HHAT: variants seen among roughly 807,000 people sequenced by gnomAD.
HHAT encodes protein-cysteine N-palmitoyltransferase HHAT.
Under a neutral mutation model 70.8 loss-of-function variants are expected in HHAT, and 47 were observed. The observed-to-expected ratio is 0.66, with a 90% confidence interval of 0.53 to 0.85. The LOEUF (loss-of-function observed/expected upper bound fraction) is 0.85, where lower values mean the gene tolerates loss of function less well. Ranked by LOEUF, HHAT falls within the 40% of genes least tolerant of loss-of-function variation. The pLI is 0.00. For synonymous variants in HHAT, 228 were observed against 247.6 expected (o/e 0.92, Z 0.74); for missense variants, 609 against 604.8 (o/e 1.01, Z -0.07).
At chr1:210,492,732 C>A (rs1004069231) in intron 8 of HHAT, among the ~76,000 whole-genome samples, 1 of 152,218 alleles carries the variant, frequency 6.6e-6, no homozygotes, top group Admixed American at 6.5e-5. Context: ...ACAGGCCAGT[C>A]TCAGCTCAAA....
rs531466199 is a variant in HHAT, at chr1:210,511,772, C to T, written c.1008-1381C>T. Among the ~76,000 whole-genome samples, 60 of 147,032 alleles carry T rather than the reference C, an allele frequency of 4.1e-4. 2 individuals are homozygous for T. The highest frequency in any genetic ancestry group is 6.4e-4 in the Non-Finnish European group (43 of 67,084). On this transcript the variant is annotated intron_variant, in intron 8 of 11. Coordinates refer to ENST00000261458, the MANE Select transcript of HHAT (RefSeq NM_018194.6). ...GGGACTATATCATCATGATTCTGGC[C>T]GCCTGGTCTTTTTTTTTTTTTTTTT...
chr1:210,426,414 G>T (rs1253468247), intron 7 of HHAT, among the ~76,000 whole-genome samples: 6 of 152,136 alleles, frequency 3.9e-5, no homozygotes, highest in African/African-American at 1.4e-4. Context: ...TCCTTATCTT[G>T]TACCAGTTTT....
intron 9 of HHAT, among the ~76,000 whole-genome samples, chr1:210,528,976 A>G (rs1405910871): frequency 6.6e-6 from 1 of 152,220 alleles, no homozygotes; most frequent in East Asian, 1.9e-4. Flanking sequence ...TGATCAACAT[A>G]TAAGATCAAA....
chr1:210,443,117 C>G (rs2093559716), intron 7 of HHAT, among the ~76,000 whole-genome samples: 1 of 152,010 alleles, frequency 6.6e-6, no homozygotes, highest in African/African-American at 2.4e-5. Flanking sequence ...TTCCCCATTG[C>G]TTGTTTTTCT....
At chr1:210,633,647 C>T (rs956797746) in intron 11 of HHAT, among the ~76,000 whole-genome samples, 4 of 152,228 alleles carry the variant, frequency 2.6e-5, no homozygotes, top group Admixed American at 1.3e-4. Context: ...CCTTCTCTAA[C>T]CCCTGACATT....
chr1:210,645,472 G>T (rs1170916094), intron 11 of HHAT, among the ~76,000 whole-genome samples: 1 of 152,068 alleles, frequency 6.6e-6, no homozygotes, highest in African/African-American at 2.4e-5. Context: ...TAGAGATGGG[G>T]TTTCACCATG....
At chr1:210,405,240 C>T (rs1489250643) in intron 6 of HHAT, among the ~76,000 whole-genome samples, 1 of 152,148 alleles carries the variant, frequency 6.6e-6, no homozygotes, top group Admixed American at 6.5e-5. Flanking sequence ...AGGCCCCCGC[C>T]TGCCTTCCTC....
intron 8 of HHAT, among the ~76,000 whole-genome samples, chr1:210,490,774 A>G (rs933162186): frequency 1.3e-5 from 2 of 152,182 alleles, no homozygotes; most frequent in Non-Finnish European, 2.9e-5. Flanking sequence ...GTCAAATGTA[A>G]ACTCACTAAT....
At chr1:210,503,771 C>T (rs1359767610) in intron 8 of HHAT, among the ~76,000 whole-genome samples, 1 of 150,780 alleles carries the variant, frequency 6.6e-6, no homozygotes, top group African/African-American at 2.4e-5. Flanking sequence ...CTCAAAGTTG[C>T]CGGTGACCTT....
At chr1:210,368,508 C>T (rs1290345201) in intron 3 of HHAT, among the ~76,000 whole-genome samples, 1 of 152,102 alleles carries the variant, frequency 6.6e-6, no homozygotes, top group Non-Finnish European at 1.5e-5. Flanking sequence ...CCAGGCTGGT[C>T]TTGAACTCCT....
Position 210,422,839 on chromosome 1 carries a change from G to A in HHAT, c.856+4514G>A, listed in dbSNP as rs527758379. ...TTTAGTAGAGACGGGGTTTCACCACGTTGGCCAGGCTGGTCTCGAACTCCT... is the reference window on the plus strand; with the variant it reads ...TTTAGTAGAGACGGGGTTTCACCACATTGGCCAGGCTGGTCTCGAACTCCT... On this transcript the variant is annotated intron_variant, in intron 7 of 11. Transcript: ENST00000261458. Among the ~76,000 whole-genome samples the A allele has an allele frequency of 2.6e-5, 4 of 152,190 alleles. No individual in the cohort carries two copies. In the South Asian group the frequency reaches 6.2e-4, roughly 24 times the overall value.
At chr1:210,459,538 A>G (rs1015317256) in intron 7 of HHAT, among the ~76,000 whole-genome samples, 1 of 152,194 alleles carries the variant, frequency 6.6e-6, no homozygotes, top group Non-Finnish European at 1.5e-5. Context: ...AGAAGGAAGT[A>G]TGATGAGAGA....
chr1:210,663,080 A>C (rs115941322), intron 11 of HHAT, among the ~76,000 whole-genome samples: 2,577 of 152,146 alleles, frequency 0.017, 36 homozygotes, highest in Middle Eastern at 0.031. Context: ...TAACAGTTTT[A>C]ATAAAGGGTC....
chr1:210,623,786 C>A, intron 11 of HHAT, 116 bp downstream of exon 11: 2 of 1,077,024 alleles, frequency 1.9e-6, no homozygotes, highest in Non-Finnish European at 2.7e-6. Flanking sequence ...ATGTTCATGG[C>A]ATGTGACCTC....
intron 9 of HHAT, among the ~76,000 whole-genome samples, chr1:210,566,205 G>A (rs1654705557): frequency 6.6e-6 from 1 of 152,188 alleles, no homozygotes; most frequent in South Asian, 2.1e-4. Flanking sequence ...AGAACATGAT[G>A]ATTGACATTT....
intron 8 of HHAT, among the ~76,000 whole-genome samples, chr1:210,511,379 C>T (rs1015612618): frequency 6.6e-6 from 1 of 152,156 alleles, no homozygotes; most frequent in Non-Finnish European, 1.5e-5. Context: ...TCTTTATTCT[C>T]ACCTATGCTG....
intron 2 of HHAT, among the ~76,000 whole-genome samples, chr1:210,361,302 G>C (rs1467298292): frequency 6.6e-6 from 1 of 152,230 alleles, no homozygotes; most frequent in African/African-American, 2.4e-5. Flanking sequence ...CTGTGTGTCT[G>C]TGTGCAGTGC....
In HHAT at chr1:210,328,966, G is replaced by C. The variant is rs752119668; in HGVS notation, c.-182G>C. The stretch of plus-strand genomic sequence containing the variant: ...CGCTGCTCCTCCAAAGGGCAGCTCC[G>C]GGGGAAAGAGGGTGGCGTCCCGGGG... On this transcript the variant is annotated 5_prime_UTR_variant, in exon 1 of 12. Coordinates refer to ENST00000261458, the MANE Select transcript of HHAT (RefSeq NM_018194.6). 2 of 1,295,064 alleles carry C rather than the reference G, an allele frequency of 1.5e-6. No homozygotes were observed. The highest frequency in any genetic ancestry group is 1.5e-5 in the African/African-American group (1 of 64,856). 80.2% of individuals were successfully genotyped at this position (1,295,064 alleles called of 1,614,324 possible).
At chr1:210,640,055 C>A (rs1204547361) in intron 11 of HHAT, among the ~76,000 whole-genome samples, 1 of 152,170 alleles carries the variant, frequency 6.6e-6, no homozygotes, top group Non-Finnish European at 1.5e-5. Context: ...GTATGGGAGA[C>A]TTCTAATTTC....
Sources: allele counts gnomAD v4.1 joint callset (sites outside exome capture counted in the v4.1 genomes callset), GRCh38; gene constraint gnomAD v4.1.1; transcripts MANE v1.5; gene names NCBI Gene and HGNC (gene_info 2026-07-23, HGNC 2026-07-21).